SLC35A3: variants seen among roughly 807,000 people sequenced by gnomAD.
SLC35A3 encodes the protein UDP-N-acetylglucosamine transporter.
SLC35A3 carries 26 observed loss-of-function variants against 39.0 expected under a neutral mutation model. The observed-to-expected ratio is 0.67, with a 90% confidence interval of 0.49 to 0.92. The LOEUF is 0.92. Among genes scored for constraint, SLC35A3 ranks in the 40% least tolerant of loss-of-function variants. The probability of loss-of-function intolerance (pLI) is 0.00; values close to 1 mark genes in which losing one functional copy is unlikely to be tolerated. For synonymous variants in SLC35A3, 135 were observed against 133.1 expected (o/e 1.01, Z -0.10); for missense variants, 299 against 371.6 (o/e 0.80, Z 1.61).
chr1:99,992,749 G>T (rs905514277), intron 1 of SLC35A3, among the ~76,000 whole-genome samples: 2 of 151,440 alleles, frequency 1.3e-5, no homozygotes, highest in African/African-American at 4.9e-5. Context: ...CTGTTTGTTG[G>T]TATAATAAAT....
chr1:100,013,872 A>G (rs1659862032), intron 5 of SLC35A3, among the ~76,000 whole-genome samples: 2 of 152,124 alleles, frequency 1.3e-5, no homozygotes, highest in African/African-American at 4.8e-5. Flanking sequence ...CTATTGTGGA[A>G]TACTTTGATT....
intron 1 of SLC35A3, chr1:99,978,794 G>A (rs746998098): frequency 2.0e-5 from 3 of 152,132 alleles, no homozygotes; most frequent in Non-Finnish European, 4.4e-5. Context: ...TATTTATTGA[G>A]TGCATACTGT....
chr1:99,985,931 A>G (rs1479615410), intron 1 of SLC35A3, among the ~76,000 whole-genome samples: 1 of 152,006 alleles, frequency 6.6e-6, no homozygotes, highest in African/African-American at 2.4e-5. Context: ...GTATCCTGAA[A>G]CTTTGCTGAA....
chr1:99,993,493 AT>A, intron 1 of SLC35A3, 43 bp from the exon 2 acceptor site: 1 of 1,530,944 alleles, frequency 6.5e-7, no homozygotes, highest in Non-Finnish European at 9.0e-7. Flanking sequence ...TAGTTTTCAT[AT>A]GTTGTAATCT....
At position 100,022,699 on chromosome 1, in the gene SLC35A3, A is replaced by G. The variant is rs540729349; in HGVS notation, c.*223A>G. 68 of 335,758 alleles carry G rather than the reference A, an allele frequency of 2.0e-4. No individual in the cohort carries two copies. Among genetic ancestry groups the G allele is most frequent in the African/African-American group, 1.3e-3 (60 of 47,176 alleles). The allele number at this position is 335,758 out of a possible 1,614,324, so 20.8% of individuals were successfully genotyped here. On this transcript the variant is annotated 3_prime_UTR_variant, in exon 8 of 8. Transcript: ENST00000533028. ...TTTCCAGGGATTAGGATTAGAAGGA[A>G]TATTAGAGGAAACTTGAAATCTGAG...
chr1:100,009,403 G>C (rs1659465672), intron 4 of SLC35A3: 1 of 152,154 alleles, frequency 6.6e-6, no homozygotes, highest in Non-Finnish European at 1.5e-5. Context: ...TCTTTGATTG[G>C]AACAAATAAT....
Position 100,028,977 on chromosome 1 carries a change from A to G in SLC35A3, c.*6501A>G, listed in dbSNP as rs1484555273. The G allele has an allele frequency of 6.6e-6, 1 of 152,308 alleles. No individual in the cohort carries two copies. Among genetic ancestry groups the G allele is most frequent in the African/African-American group, 2.4e-5 (1 of 41,482 alleles). The allele number at this position is 152,308 out of a possible 1,614,324, so 9.4% of individuals were successfully genotyped here. A position where few individuals can be genotyped will look rare whatever the true frequency, so the allele number is the denominator to read the frequency against. ...GAGGCTTTCGGTGTCCTTTTCTTGT[A>G]GCGTCATGGAAGGTGTTATCTACTC... On this transcript the variant is annotated 3_prime_UTR_variant, in exon 8 of 8. Coordinates refer to ENST00000533028, the MANE Select transcript of SLC35A3 (RefSeq NM_012243.3).
At chr1:99,997,616 G>T (rs149626417) in intron 2 of SLC35A3, among the ~76,000 whole-genome samples, 1,565 of 148,086 alleles carry the variant, frequency 0.011, 15 homozygotes, top group Middle Eastern at 0.059. Context: ...AGGTTATATT[G>T]CAGAAATTTT....
At chr1:99,987,366 A>G (rs1052319137) in intron 1 of SLC35A3, among the ~76,000 whole-genome samples, 4 of 152,230 alleles carry the variant, frequency 2.6e-5, no homozygotes, top group African/African-American at 9.6e-5. Context: ...TATTTGTAAC[A>G]GAGATATATT....
At chr1:100,021,138 A>G (rs978641920) in intron 7 of SLC35A3, among the ~76,000 whole-genome samples, 4 of 151,952 alleles carry the variant, frequency 2.6e-5, no homozygotes, top group Admixed American at 6.6e-5. Context: ...GGAGGTGGGC[A>G]GATCACTTGA....
intron 2 of SLC35A3, among the ~76,000 whole-genome samples, 163 bp from the exon 3 acceptor site, chr1:99,999,098 A>G (rs960002469): frequency 3.3e-5 from 5 of 152,128 alleles, no homozygotes; most frequent in African/African-American, 1.2e-4. Flanking sequence ...AATATTTAAC[A>G]TTTTAAAAAT....
chr1:99,983,945 TTTAA>T (rs1434762133), intron 1 of SLC35A3, among the ~76,000 whole-genome samples: 1 of 152,142 alleles, frequency 6.6e-6, no homozygotes, highest in African/African-American at 2.4e-5. Flanking sequence ...TTATTTTACA[TTTAA>T]TTAATTATTT....
At chr1:99,999,596 T>TC (rs1436862097) in intron 3 of SLC35A3, among the ~76,000 whole-genome samples, 181 bp downstream of exon 3, 1 of 152,164 alleles carries the variant, frequency 6.6e-6, no homozygotes, top group Non-Finnish European at 1.5e-5. Context: ...TGGGGACATT[T>TC]CAGATCTTCT....
chr1:99,994,142 GATAAT>G (rs1255184944), intron 2 of SLC35A3, among the ~76,000 whole-genome samples: 1 of 152,002 alleles, frequency 6.6e-6, no homozygotes, highest in Non-Finnish European at 1.5e-5. Context: ...GTTCTATTGA[GATAAT>G]TCATGAGCCA....
chr1:99,991,227 C>T (rs898585419), intron 1 of SLC35A3, among the ~76,000 whole-genome samples: 4 of 152,200 alleles, frequency 2.6e-5, no homozygotes, highest in African/African-American at 9.7e-5. Flanking sequence ...CTCACTGCAA[C>T]CTTCGCCTCT....
chr1:100,015,868 G>A (rs867429975), intron 6 of SLC35A3, among the ~76,000 whole-genome samples: 1 of 152,024 alleles, frequency 6.6e-6, no homozygotes, highest in African/African-American at 2.4e-5. Context: ...AATTGTTCAA[G>A]GGTTGAGTAA....
chr1:100,004,729 T>A (rs1646850876), intron 3 of SLC35A3, among the ~76,000 whole-genome samples: 1 of 152,038 alleles, frequency 6.6e-6, no homozygotes, highest in Admixed American at 6.5e-5. Flanking sequence ...CTATTTTTTT[T>A]ATTTTTTATT....
intron 3 of SLC35A3, among the ~76,000 whole-genome samples, chr1:100,003,223 C>T (rs1046477851): frequency 1.3e-5 from 2 of 151,924 alleles, no homozygotes; most frequent in Non-Finnish European, 2.9e-5. Flanking sequence ...TGAGACCAGC[C>T]TGGCCAACAT....
rs1051609709 is a variant in SLC35A3 at position 100,024,211 on chromosome 1, GTTTAA to G, written c.*1743_*1747del. 2 of 152,032 alleles carry G rather than the reference GTTTAA, an allele frequency of 1.3e-5. No homozygotes were observed. The highest frequency in any genetic ancestry group is 2.4e-5 in the African/African-American group (1 of 41,384). The allele number at this position is 152,032 out of a possible 1,614,324, so 9.4% of individuals were successfully genotyped here. A position where few individuals can be genotyped will look rare whatever the true frequency, so the allele number is the denominator to read the frequency against. ...AATGCTTTCTATAATTTGAATATGG[GTTTAA>G]TTTAATTATTAACTATAGACAGAAT... On this transcript the variant is annotated 3_prime_UTR_variant, in exon 8 of 8. Transcript: ENST00000533028.
Sources: allele counts gnomAD v4.1 joint callset (sites outside exome capture counted in the v4.1 genomes callset), GRCh38; gene constraint gnomAD v4.1.1; transcripts MANE v1.5; gene names NCBI Gene and HGNC (gene_info 2026-07-23, HGNC 2026-07-21).